PTPRR: variants seen among roughly 807,000 people sequenced by gnomAD.
The protein encoded by PTPRR is receptor-type tyrosine-protein phosphatase R.
A neutral mutation model predicts 77.2 loss-of-function variants in PTPRR; 38 were observed. The ratio of observed to expected loss-of-function variants is 0.49; its 90% CI spans 0.38 to 0.65. PTPRR has a LOEUF of 0.65. PTPRR is among the 30% of genes least tolerant of loss of function. PTPRR has a pLI of 0.00. For missense variants in PTPRR, 744 were observed against 799.2 expected, an observed-to-expected ratio of 0.93 and a Z score of 0.83; for synonymous variants, 299 against 283.1, an observed-to-expected ratio of 1.06 and a Z score of -0.57.
At chr12:70,836,329 G>A (rs1939187411) in intron 2 of PTPRR, among the ~76,000 whole-genome samples, 1 of 146,496 alleles carries the variant, frequency 6.8e-6, no homozygotes, top group Admixed American at 6.8e-5. Flanking sequence ...TTCTCGGACT[G>A]GTGTGCTCTT....
chr12:70,744,678 T>A (rs1238936403), intron 6 of PTPRR, among the ~76,000 whole-genome samples: 1 of 152,186 alleles, frequency 6.6e-6, no homozygotes, highest in Non-Finnish European at 1.5e-5. Context: ...TGATGTATCA[T>A]GGGAAATATA....
At chr12:70,859,582 C>T (rs1159140681) in intron 2 of PTPRR, among the ~76,000 whole-genome samples, 1 of 151,852 alleles carries the variant, frequency 6.6e-6, no homozygotes. Context: ...TTCTCTGGCA[C>T]TCTGGGGAAG....
At chr12:70,766,812 T>C (rs1447730952) in intron 2 of PTPRR, among the ~76,000 whole-genome samples, 2 of 152,040 alleles carry the variant, frequency 1.3e-5, no homozygotes, top group African/African-American at 2.4e-5. Context: ...TAACAGCGGA[T>C]CTCTCAACAG....
At chr12:70,679,993 T>C (rs1157077072) in intron 10 of PTPRR, among the ~76,000 whole-genome samples, 2 of 152,232 alleles carry the variant, frequency 1.3e-5, no homozygotes, top group Non-Finnish European at 2.9e-5. Context: ...CCTTTGTGAC[T>C]TGGTGGTTTT....
At chr12:70,876,531 G>C (rs549796226) in intron 2 of PTPRR, among the ~76,000 whole-genome samples, 2 of 152,180 alleles carry the variant, frequency 1.3e-5, no homozygotes, top group African/African-American at 4.8e-5. Context: ...ATTAAGAAAA[G>C]CCACTTGCAG....
chr12:70,727,347 A>G (rs1889478712), intron 6 of PTPRR, among the ~76,000 whole-genome samples: 1 of 152,128 alleles, frequency 6.6e-6, no homozygotes, highest in Non-Finnish European at 1.5e-5. Context: ...GTTTCCAGAA[A>G]AGGGATTGAT....
intron 13 of PTPRR, among the ~76,000 whole-genome samples, chr12:70,651,256 C>G (rs922280029): frequency 3.9e-5 from 6 of 152,222 alleles, no homozygotes; most frequent in African/African-American, 1.2e-4. Flanking sequence ...TACACTCTCT[C>G]CAGCTACCAC....
rs1156552869 is a variant in PTPRR at position 70,790,986 on chromosome 12, TCCACATCTATCATGGGCCAAAG to T, written c.358-26230_358-26209del. 3.9e-5 allele frequency among the ~76,000 whole-genome samples: 6 copies of T among 152,200 alleles called. No individual in the cohort carries two copies. In the East Asian group the frequency reaches 9.6e-4, roughly 24 times the overall value. On this transcript the variant is annotated intron_variant, in intron 2 of 13. Transcript: ENST00000283228. Reference sequence around the variant, plus strand: ...TCAGAACAAGACCACTTCTACCACCTCCACATCTATCATGGGCCAAAGCCACATCTATCATGGACCAAAGCCA... The same window carrying T: ...TCAGAACAAGACCACTTCTACCACCTCCACATCTATCATGGACCAAAGCCA...
At chr12:70,789,997 G>T (rs1202165140) in intron 2 of PTPRR, among the ~76,000 whole-genome samples, 1 of 152,038 alleles carries the variant, frequency 6.6e-6, no homozygotes, top group Non-Finnish European at 1.5e-5. Context: ...AACATCAACA[G>T]TAAAAAGGAT....
In PTPRR at chr12:70,866,403, C is replaced by A. The variant is rs867300630; in HGVS notation, c.357+26276G>T. On this transcript the variant is annotated intron_variant, in intron 2 of 13. Coordinates refer to ENST00000283228, the MANE Select transcript of PTPRR (RefSeq NM_002849.4). ...CTACCATCAGAGAATACTACAAACA[C>A]CTCTATGCAAATAAACTAGAAAATC... Among the ~76,000 whole-genome samples, 4 of 151,774 alleles carry A rather than the reference C, an allele frequency of 2.6e-5. No homozygotes were observed. In the East Asian group the frequency reaches 7.7e-4, roughly 29 times the overall value.
intron 2 of PTPRR, among the ~76,000 whole-genome samples, chr12:70,810,690 A>G (rs1196598108): frequency 1.3e-5 from 2 of 152,186 alleles, no homozygotes; most frequent in African/African-American, 2.4e-5. Context: ...TAGTTTCTCA[A>G]CTAGAATGAG....
chr12:70,778,469 T>C (rs1891136247), intron 2 of PTPRR, among the ~76,000 whole-genome samples: 1 of 152,216 alleles, frequency 6.6e-6, no homozygotes, highest in Admixed American at 6.5e-5. Context: ...ATTTGAATGA[T>C]TTTTCATCTA....
intron 4 of PTPRR, among the ~76,000 whole-genome samples, chr12:70,759,490 G>T (rs1565685407): frequency 1.3e-5 from 2 of 151,906 alleles, no homozygotes. Context: ...GAAATGAAAG[G>T]TATGCATGGT....
At chr12:70,647,190 G>GA (rs1384163216) in intron 13 of PTPRR, among the ~76,000 whole-genome samples, 4 of 151,614 alleles carry the variant, frequency 2.6e-5, no homozygotes, top group South Asian at 2.1e-4. Flanking sequence ...AAAAAAAGAG[G>GA]AAAAAAAAGG....
intron 2 of PTPRR, among the ~76,000 whole-genome samples, chr12:70,836,173 T>C (rs1892299207): frequency 1.3e-5 from 2 of 152,134 alleles, no homozygotes; most frequent in African/African-American, 4.8e-5. Context: ...CGGTTTCTCA[T>C]CACCTACAGG....
chr12:70,734,304 C>CA (rs1889788129), intron 6 of PTPRR, among the ~76,000 whole-genome samples: 2 of 152,138 alleles, frequency 1.3e-5, no homozygotes, highest in Admixed American at 6.5e-5. Context: ...ATTTGAATCT[C>CA]AAAAAATTGT....
Position 70,638,991 on chromosome 12 carries a change from G to A in PTPRR, c.*193C>T. On this transcript the variant is annotated 3_prime_UTR_variant, in exon 14 of 14. Coordinates refer to ENST00000283228, the MANE Select transcript of PTPRR (RefSeq NM_002849.4). ...AAACCTTCAGAATAATTTGGGGGATGCTTACAAATGCATTCATATACACAA... is the reference window on the plus strand; with the variant it reads ...AAACCTTCAGAATAATTTGGGGGATACTTACAAATGCATTCATATACACAA... 1 of 582,062 alleles carries A rather than the reference G, an allele frequency of 1.7e-6. No homozygotes were observed. The highest frequency in any genetic ancestry group is 3.1e-6 in the Non-Finnish European group (1 of 327,350). The allele number at this position is 582,062 out of a possible 1,614,324, so 36.1% of individuals were successfully genotyped here. A position where few individuals can be genotyped will look rare whatever the true frequency, so the allele number is the denominator to read the frequency against.
At chr12:70,711,068 T>C (rs1238905478) in intron 6 of PTPRR, among the ~76,000 whole-genome samples, 1 of 152,180 alleles carries the variant, frequency 6.6e-6, no homozygotes, top group Non-Finnish European at 1.5e-5. Flanking sequence ...TAAATTGCTC[T>C]ATTATAAAGA....
rs1241053393 is a variant in PTPRR, at chr12:70,880,084, T to G, written c.357+12595A>C. Among the ~76,000 whole-genome samples, 4 of 152,170 alleles carry G rather than the reference T, an allele frequency of 2.6e-5. No individual in the cohort carries two copies. The South Asian group carries it at 6.2e-4, about 24-fold the overall frequency. Reference sequence around the variant, plus strand: ...CCAATGGCTTAGGAGAAATACAAGTTTTCTTGGTACTGAGGCCAAAAAGAT... The same window carrying G: ...CCAATGGCTTAGGAGAAATACAAGTGTTCTTGGTACTGAGGCCAAAAAGAT... On this transcript the variant is annotated intron_variant, in intron 2 of 13. Coordinates refer to ENST00000283228, the MANE Select transcript of PTPRR (RefSeq NM_002849.4).
Sources: gnomAD v4.1 joint callset for allele counts (sites outside exome capture counted in the v4.1 genomes callset) on GRCh38, gnomAD v4.1.1 for gene constraint, MANE v1.5 for transcripts, NCBI Gene and HGNC (gene_info 2026-07-23, HGNC 2026-07-21) for gene names.